The following RREB1 variants were observed in gnomAD, a reference collection of about 807,000 sequenced individuals.
RREB1 encodes the protein ras-responsive element-binding protein 1.
Under a neutral mutation model 117.8 loss-of-function variants are expected in RREB1, and 27 were observed. The ratio of observed to expected loss-of-function variants is 0.23; its 90% CI spans 0.17 to 0.32. RREB1 has a LOEUF of 0.32. Among genes scored for constraint, RREB1 ranks in the 10% least tolerant of loss-of-function variants. RREB1 has a pLI of 1.00. For missense variants in RREB1, 2,577 were observed against 2,378.2 expected (o/e 1.08, Z -1.74); for synonymous variants, 1,298 against 1,026.7 (o/e 1.26, Z -5.05).
At chr6:7,180,989 G>A (rs771151522) in intron 2 of RREB1, 135 bp from the exon 3 acceptor site, 2 of 389,736 alleles carry the variant, frequency 5.1e-6, no homozygotes, top group African/African-American at 2.1e-5. Context: ...AGAAAGAAAG[G>A]CAGACATTGC....
At chr6:7,195,802 G>A (rs529472366) in intron 6 of RREB1, among the ~76,000 whole-genome samples, 64 of 152,262 alleles carry the variant, frequency 4.2e-4, no homozygotes, top group Admixed American at 2.0e-3. Flanking sequence ...AGGTGCCTCC[G>A]TTCCATCTTG....
At chr6:7,242,827 T>C (rs1768798408) in intron 11 of RREB1, among the ~76,000 whole-genome samples, 1 of 152,048 alleles carries the variant, frequency 6.6e-6, no homozygotes, top group Non-Finnish European at 1.5e-5. Context: ...TTCAGTCTCA[T>C]AAAGTCCCCC....
intron 1 of RREB1, among the ~76,000 whole-genome samples, chr6:7,147,346 T>C (rs1288073184): frequency 6.6e-6 from 1 of 152,224 alleles, no homozygotes; most frequent in Non-Finnish European, 1.5e-5. Context: ...GCATGAGGCA[T>C]TTGTGGTTCA....
rs1462809712 is a variant in RREB1, at chr6:7,232,782, A to T, written c.3808+875A>T. On this transcript the variant is annotated intron_variant, in intron 10 of 12. Transcript: ENST00000379938. ...CTTTTTCTTTTTTTTTTTTTTTTTT[A>T]AATAAAAGAGTCTCACTATATTGCT... Among the ~76,000 whole-genome samples, 33 of 100,320 alleles carry T rather than the reference A, an allele frequency of 3.3e-4. No individual in the cohort carries two copies. In the East Asian group the frequency reaches 6.0e-3, roughly 18 times the overall value. The allele number at this position is 100,320 out of a possible 152,430, so 65.8% of individuals were successfully genotyped here. A position where few individuals can be genotyped will look rare whatever the true frequency, so the allele number is the denominator to read the frequency against.
At chr6:7,201,321 C>T (rs1765963872) in intron 6 of RREB1, among the ~76,000 whole-genome samples, 1 of 152,194 alleles carries the variant, frequency 6.6e-6, no homozygotes, top group Non-Finnish European at 1.5e-5. Context: ...GCAGCATTTC[C>T]ACCGTAGCAC....
chr6:7,229,329 G>T lies in RREB1; in HGVS notation c.1230G>T (p.Leu410=). The T allele has an allele frequency of 6.2e-7, 1 of 1,614,196 alleles. No homozygotes were observed. The highest frequency in any genetic ancestry group is 8.5e-7 in the Non-Finnish European group (1 of 1,180,030). Residue 410 remains leucine, a synonymous_variant, in exon 10 of 13, where the codon CTG becomes CTT. Transcript: ENST00000379938. This position sits in a 1 kb window ranked among gnomAD's most constrained non-coding sequence, Gnocchi z 4.5. ...LPQDPGCTNL[L]SLSPFEAASL... ...AGGACCCCGGCTGCACCAACCTGCT[G>T]AGCCTGTCACCTTTCGAAGCTGCTT...
chr6:7,131,496 A>G (rs1434065703), intron 1 of RREB1, among the ~76,000 whole-genome samples: 1 of 152,208 alleles, frequency 6.6e-6, no homozygotes, highest in African/African-American at 2.4e-5. Context: ...ATTTCTGTTT[A>G]CAGATGAGGA....
At chr6:7,226,858 G>A (rs1581567213) in intron 9 of RREB1, among the ~76,000 whole-genome samples, 1 of 152,152 alleles carries the variant, frequency 6.6e-6, no homozygotes, top group Non-Finnish European at 1.5e-5. Flanking sequence ...GGCTGCATAG[G>A]CTTGTTTGGG....
chr6:7,186,305 CTT>C (rs775292189), intron 4 of RREB1, among the ~76,000 whole-genome samples: 8 of 152,226 alleles, frequency 5.3e-5, no homozygotes, highest in Non-Finnish European at 8.8e-5. Context: ...AACTTAGTAA[CTT>C]AGCCATCCTC....
chr6:7,137,398 G>A (rs1428998515), intron 1 of RREB1, among the ~76,000 whole-genome samples: 1 of 152,246 alleles, frequency 6.6e-6, no homozygotes, highest in African/African-American at 2.4e-5. Flanking sequence ...GACAGACCAA[G>A]CCCTGGTACA....
intron 8 of RREB1, among the ~76,000 whole-genome samples, chr6:7,223,556 T>C (rs1767395582): frequency 1.7e-5 from 1 of 57,864 alleles, no homozygotes; most frequent in Non-Finnish European, 3.1e-5. Flanking sequence ...ACAAAACTCT[T>C]GTCTCAAAAA....
intron 1 of RREB1, among the ~76,000 whole-genome samples, chr6:7,162,481 T>C (rs1287592794): frequency 6.6e-6 from 1 of 152,146 alleles, no homozygotes; most frequent in Non-Finnish European, 1.5e-5. Flanking sequence ...GTTTGGCTCA[T>C]ACTCCAGGTT....
At chr6:7,109,383 C>T (rs923421431) in intron 1 of RREB1, among the ~76,000 whole-genome samples, 7 of 152,142 alleles carry the variant, frequency 4.6e-5, no homozygotes, top group African/African-American at 9.7e-5. Flanking sequence ...CCGTCGCCGA[C>T]CCCCTCCCTG....
intron 6 of RREB1, among the ~76,000 whole-genome samples, chr6:7,192,333 C>T (rs1765455036): frequency 6.6e-6 from 1 of 151,894 alleles, no homozygotes; most frequent in South Asian, 2.1e-4. Context: ...GCTGGGACTA[C>T]AGGCGTGCAC....
intron 1 of RREB1, among the ~76,000 whole-genome samples, chr6:7,126,011 G>GTT (rs1561730420): frequency 2.0e-5 from 3 of 151,806 alleles, no homozygotes; most frequent in African/African-American, 7.3e-5. Flanking sequence ...TTGTTTGTTT[G>GTT]TTTGTTTTGA....
At chr6:7,214,345 C>G (rs975504640) in intron 8 of RREB1, 1 of 152,262 alleles carries the variant, frequency 6.6e-6, no homozygotes, top group South Asian at 2.1e-4. Context: ...CTTGGCCCCT[C>G]TGGGCAGGCT....
chr6:7,218,293 AT>A (rs1767025730), intron 8 of RREB1: 1 of 152,240 alleles, frequency 6.6e-6, no homozygotes, highest in African/African-American at 2.4e-5. Flanking sequence ...ATGGAGTTAC[AT>A]GACAGAGAAG....
chr6:7,178,485 A>G (rs1175617092), intron 2 of RREB1, among the ~76,000 whole-genome samples: 1 of 152,194 alleles, frequency 6.6e-6, no homozygotes, highest in African/African-American at 2.4e-5. Flanking sequence ...GGTTTTTTCT[A>G]ACGTAGAACA....
At chr6:7,156,360 A>G (rs1264637921) in intron 1 of RREB1, among the ~76,000 whole-genome samples, 1 of 152,224 alleles carries the variant, frequency 6.6e-6, no homozygotes, top group Non-Finnish European at 1.5e-5. Context: ...GAACTGACCT[A>G]AAAAAGAGCA....
Sources: gnomAD v4.1 joint callset for allele counts (sites outside exome capture counted in the v4.1 genomes callset) on GRCh38, gnomAD v4.1.1 for gene constraint, Gnocchi (gnomAD v3.1) non-coding constraint, MANE v1.5 for transcripts, NCBI Gene and HGNC (gene_info 2026-07-23, HGNC 2026-07-21) for gene names.